MBNL1: variants seen among roughly 807,000 people sequenced by gnomAD.
The protein encoded by MBNL1 is muscleblind-like protein 1.
Under a neutral mutation model 42.2 loss-of-function variants are expected in MBNL1, and 8 were observed. That is an observed-to-expected ratio of 0.19 (90% CI 0.11 to 0.34). MBNL1 has a LOEUF of 0.34. MBNL1 is among the 10% of genes least tolerant of loss of function. The probability of loss-of-function intolerance (pLI) is 1.00; values close to 1 mark genes in which losing one functional copy is unlikely to be tolerated. For missense variants in MBNL1, 309 were observed against 495.3 expected, an observed-to-expected ratio of 0.62 and a Z score of 3.57; for synonymous variants, 169 against 173.9, an observed-to-expected ratio of 0.97 and a Z score of 0.22.
chr3:152,268,562 C>T, upstream of MBNL1: 2 of 348,872 alleles, frequency 5.7e-6, no homozygotes, highest in Non-Finnish European at 1.1e-5. Flanking sequence ...GGGAGGGCGT[C>T]CGGTCTGCAC....
chr3:152,424,819 G>A (rs1580191478), intron 3 of MBNL1, among the ~76,000 whole-genome samples: 1 of 152,100 alleles, frequency 6.6e-6, no homozygotes, highest in African/African-American at 2.4e-5. Context: ...AAAGCAATGG[G>A]GAAAGGATTC....
intron 2 of MBNL1, among the ~76,000 whole-genome samples, chr3:152,337,665 A>G (rs2091270227): frequency 6.6e-6 from 1 of 151,422 alleles, no homozygotes; most frequent in East Asian, 1.9e-4. Flanking sequence ...AACTAACTAA[A>G]TTAGTTATAT....
At chr3:152,335,522 T>TC (rs2089283426) in intron 2 of MBNL1, among the ~76,000 whole-genome samples, 1 of 152,212 alleles carries the variant, frequency 6.6e-6, no homozygotes, top group African/African-American at 2.4e-5. Flanking sequence ...TCTTAGTCAC[T>TC]AATCTCTACT....
In MBNL1 at chr3:152,447,703, T is replaced by C; in HGVS notation, c.891T>C (p.Thr297=). 1 of 1,613,340 alleles carries C rather than the reference T, an allele frequency of 6.2e-7. No individual in the cohort carries two copies. The highest frequency in any genetic ancestry group is 8.5e-7 in the Non-Finnish European group (1 of 1,179,388). ...KTNGATAVFN[T]GIFQYQQALA... ...ACGGTGCCACCGCAGTCTTTAACAC[T>C]GGTATTTTCCAATACCAACAGGCTC... The change falls in exon 6 of 10, where the codon ACT becomes ACC. Residue 297 remains threonine, a synonymous_variant. Transcript: ENST00000324210.
chr3:152,297,734 G>C (rs1298964295), intron 1 of MBNL1, among the ~76,000 whole-genome samples: 4 of 152,018 alleles, frequency 2.6e-5, no homozygotes. Context: ...TCAGCTCACT[G>C]CAGCTTCCGC....
intron 3 of MBNL1, among the ~76,000 whole-genome samples, chr3:152,424,590 C>G (rs1175599818): frequency 6.6e-6 from 1 of 151,784 alleles, no homozygotes; most frequent in Non-Finnish European, 1.5e-5. Context: ...CTTTAAATTT[C>G]ATATGGAACC....
intron 1 of MBNL1, among the ~76,000 whole-genome samples, chr3:152,295,558 G>C (rs2058201993): frequency 6.6e-6 from 1 of 151,878 alleles, no homozygotes; most frequent in South Asian, 2.1e-4. Context: ...TATGTTCCAA[G>C]AACTGTGTGA....
At chr3:152,344,006 G>A (rs559907000) in intron 2 of MBNL1, among the ~76,000 whole-genome samples, 31 of 152,106 alleles carry the variant, frequency 2.0e-4, no homozygotes, top group African/African-American at 7.0e-4. Context: ...ATGTATGAAC[G>A]TTAAGAACTT....
At chr3:152,309,927 A>C (rs1008361992) in intron 2 of MBNL1, among the ~76,000 whole-genome samples, 1 of 152,246 alleles carries the variant, frequency 6.6e-6, no homozygotes. Flanking sequence ...TAAAATAATC[A>C]TAGGATAATA....
At chr3:152,409,076 TTTCAG>T (rs901608581) in intron 2 of MBNL1, among the ~76,000 whole-genome samples, 2 of 152,214 alleles carry the variant, frequency 1.3e-5, no homozygotes, top group African/African-American at 4.8e-5. Flanking sequence ...ATGCAGTTAT[TTTCAG>T]TACTTGCAAA....
At chr3:152,386,138 GA>G (rs1448447055) in intron 2 of MBNL1, among the ~76,000 whole-genome samples, 1 of 151,588 alleles carries the variant, frequency 6.6e-6, no homozygotes, top group Admixed American at 6.6e-5. Context: ...GTACTTTGGG[GA>G]AAAAAAGCTC....
chr3:152,457,410 A>T (rs1365432384), intron 8 of MBNL1, among the ~76,000 whole-genome samples: 28 of 152,228 alleles, frequency 1.8e-4, no homozygotes, highest in Non-Finnish European at 3.4e-4. Context: ...AGACCAATTA[A>T]GACATAGATT....
intron 1 of MBNL1, among the ~76,000 whole-genome samples, chr3:152,270,929 G>T (rs2041232306): frequency 6.6e-6 from 1 of 151,928 alleles, no homozygotes; most frequent in Non-Finnish European, 1.5e-5. Flanking sequence ...GAACAGGTTG[G>T]GTCAGCAACA....
chr3:152,459,564 A>G (rs914793661), intron 9 of MBNL1, among the ~76,000 whole-genome samples: 9 of 152,218 alleles, frequency 5.9e-5, no homozygotes, highest in Non-Finnish European at 1.2e-4. Flanking sequence ...AAATTTTTTA[A>G]ATTTCTGATT....
At chr3:152,366,668 A>C (rs563845643) in intron 2 of MBNL1, among the ~76,000 whole-genome samples, 2 of 152,300 alleles carry the variant, frequency 1.3e-5, no homozygotes, top group East Asian at 3.9e-4. Context: ...CAGGTGTAAG[A>C]CTGCAATTTA....
intron 2 of MBNL1, among the ~76,000 whole-genome samples, chr3:152,383,107 C>T (rs1315639698): frequency 6.6e-6 from 1 of 152,056 alleles, no homozygotes; most frequent in African/African-American, 2.4e-5. Context: ...CTATAGTCTC[C>T]TTTCATTACC....
chr3:152,259,112 G>C (rs1454490490), intron 2 of MBNL1, among the ~76,000 whole-genome samples: 1 of 152,226 alleles, frequency 6.6e-6, no homozygotes, highest in Non-Finnish European at 1.5e-5. Flanking sequence ...CAAGAAACCA[G>C]CTTCTTTTAT....
chr3:152,320,687 T>C (rs575849306), intron 2 of MBNL1, among the ~76,000 whole-genome samples: 19 of 151,606 alleles, frequency 1.3e-4, no homozygotes, highest in South Asian at 8.3e-4. Context: ...TTCTTTCTTT[T>C]TTTTTTTTTT....
At chr3:152,424,655 G>T (rs970537371) in intron 3 of MBNL1, among the ~76,000 whole-genome samples, 2 of 151,960 alleles carry the variant, frequency 1.3e-5, no homozygotes, top group African/African-American at 4.8e-5. Flanking sequence ...AAAGCTGGAG[G>T]CATCACACTA....
Sources: allele counts gnomAD v4.1 joint callset (sites outside exome capture counted in the v4.1 genomes callset), GRCh38; gene constraint gnomAD v4.1.1; transcripts MANE v1.5; gene names NCBI Gene and HGNC (gene_info 2026-07-23, HGNC 2026-07-21).